The following ADGRG7 variants were observed in gnomAD, a reference collection of about 807,000 sequenced individuals.
ADGRG7 encodes G-protein coupled receptor 128.
Under a neutral mutation model 88.6 loss-of-function variants are expected in ADGRG7, and 82 were observed. That is an observed-to-expected ratio of 0.93 (90% CI 0.77 to 1.11). The LOEUF is 1.11. Ranked by LOEUF, ADGRG7 falls within the 50% of genes most tolerant of loss-of-function variation. ADGRG7 has a pLI of 0.00. For synonymous variants in ADGRG7, 381 were observed against 345.2 expected, an observed-to-expected ratio of 1.10 and a Z score of -1.15; for missense variants, 945 against 953.4, an observed-to-expected ratio of 0.99 and a Z score of 0.12.
chr3:100,675,587 T>A (rs2094964056), intron 15 of ADGRG7, among the ~76,000 whole-genome samples: 1 of 152,086 alleles, frequency 6.6e-6, no homozygotes, highest in Non-Finnish European at 1.5e-5. Context: ...ATGTGCCTTT[T>A]TCTGGTTTTG....
intron 3 of ADGRG7, among the ~76,000 whole-genome samples, chr3:100,632,186 G>A (rs1336748179): frequency 1.3e-5 from 2 of 152,080 alleles, no homozygotes; most frequent in African/African-American, 4.8e-5. Flanking sequence ...TACCCATGAA[G>A]AGTCATCACA....
chr3:100,653,399 A>G (rs2094932471), intron 11 of ADGRG7, among the ~76,000 whole-genome samples: 1 of 152,222 alleles, frequency 6.6e-6, no homozygotes, highest in African/African-American at 2.4e-5. Flanking sequence ...ACTTTTAAAT[A>G]TAAATTACAT....
intron 15 of ADGRG7, among the ~76,000 whole-genome samples, chr3:100,689,779 C>G (rs956293057): frequency 1.6e-4 from 24 of 152,238 alleles, no homozygotes; most frequent in African/African-American, 5.5e-4. Context: ...TATGGGTAAC[C>G]CAACCTTTGT....
chr3:100,636,686 G>A (rs1707548375), intron 5 of ADGRG7, among the ~76,000 whole-genome samples: 2 of 152,088 alleles, frequency 1.3e-5, no homozygotes, highest in South Asian at 4.1e-4. Flanking sequence ...AAAAGTAAGT[G>A]GGATTCAAGT....
At chr3:100,689,975 A>T (rs2094990288) in intron 15 of ADGRG7, among the ~76,000 whole-genome samples, 1 of 152,152 alleles carries the variant, frequency 6.6e-6, no homozygotes, top group African/African-American at 2.4e-5. Context: ...AGTGTTTTCC[A>T]ACTTGGTTCC....
At chr3:100,654,766 C>T in intron 11 of ADGRG7, 69 bp from the exon 12 acceptor site, 1 of 934,568 alleles carries the variant, frequency 1.1e-6, no homozygotes, top group Non-Finnish European at 1.6e-6. Flanking sequence ...CCAGAAATTT[C>T]ACTGCAGTTT....
chr3:100,670,023 G>A (rs902094869), intron 15 of ADGRG7, among the ~76,000 whole-genome samples: 5 of 152,216 alleles, frequency 3.3e-5, no homozygotes, highest in Non-Finnish European at 5.9e-5. Context: ...GGGCGACAGA[G>A]GGAGACTCCA....
At chr3:100,653,912 G>A (rs969874596) in intron 11 of ADGRG7, among the ~76,000 whole-genome samples, 7 of 152,128 alleles carry the variant, frequency 4.6e-5, no homozygotes, top group Non-Finnish European at 7.4e-5. Context: ...TAAAAGCTGG[G>A]TTCTTGTCAC....
rs774088978 is a variant in ADGRG7 at position 100,609,813 on chromosome 3, T to C, written c.-44T>C. 7.1e-7 allele frequency: 1 copy of C among 1,404,818 alleles called. No homozygotes were observed. Among genetic ancestry groups the C allele is most frequent in the Non-Finnish European group, 1.0e-6 (1 of 991,308 alleles). The allele number at this position is 1,404,818 out of a possible 1,614,324, so 87.0% of individuals were successfully genotyped here. A position where few individuals can be genotyped will look rare whatever the true frequency, so the allele number is the denominator to read the frequency against. ...TTTTTAGCTCAAGAAGAAAAGAAGC[T>C]AGTTATTTCTCACCCAGGAGTGGAT... On this transcript the variant is annotated 5_prime_UTR_variant, in exon 1 of 16. Transcript: ENST00000273352.
intron 15 of ADGRG7, among the ~76,000 whole-genome samples, chr3:100,689,360 G>A (rs1219398869): frequency 6.6e-6 from 1 of 152,152 alleles, no homozygotes; most frequent in Non-Finnish European, 1.5e-5. Flanking sequence ...TTTAATTGGA[G>A]CATTTAGCCC....
chr3:100,688,214 AGTGGT>A (rs1237255631), intron 15 of ADGRG7, among the ~76,000 whole-genome samples: 1 of 152,166 alleles, frequency 6.6e-6, no homozygotes, highest in Non-Finnish European at 1.5e-5. Context: ...CTGTGGGATC[AGTGGT>A]GATGTCCCCT....
intron 2 of ADGRG7, 87 bp downstream of exon 2, chr3:100,629,798 G>T: frequency 4.9e-6 from 4 of 824,508 alleles, no homozygotes; most frequent in South Asian, 1.6e-5. Context: ...AGAAGCTTCA[G>T]TTAATGGTTA....
chr3:100,619,893 C>G (rs922284734), intron 1 of ADGRG7, among the ~76,000 whole-genome samples: 1 of 152,126 alleles, frequency 6.6e-6, no homozygotes, highest in African/African-American at 2.4e-5. Context: ...CAATAACAGG[C>G]TCTGAAATTG....
At chr3:100,661,086 A>G (rs914988816) in intron 14 of ADGRG7, among the ~76,000 whole-genome samples, 3 of 152,060 alleles carry the variant, frequency 2.0e-5, no homozygotes, top group African/African-American at 7.2e-5. Flanking sequence ...TCTCCTTTCT[A>G]TAACCTTTCT....
chr3:100,644,045 T>C (rs1707694355), intron 8 of ADGRG7, among the ~76,000 whole-genome samples: 1 of 152,246 alleles, frequency 6.6e-6, no homozygotes, highest in African/African-American at 2.4e-5. Flanking sequence ...GAAGTCTATG[T>C]AATTGGCACA....
intron 15 of ADGRG7, 26 bp downstream of exon 15, chr3:100,669,131 A>G: frequency 6.8e-7 from 1 of 1,480,468 alleles, no homozygotes; most frequent in Non-Finnish European, 9.0e-7. Flanking sequence ...GTCTGAAAGT[A>G]GCAGAACACG....
chr3:100,652,994 T>C (rs930570144), intron 11 of ADGRG7, among the ~76,000 whole-genome samples: 6 of 152,218 alleles, frequency 3.9e-5, no homozygotes, highest in Admixed American at 2.0e-4. Flanking sequence ...TTCGGAATGA[T>C]TTACATTCAA....
At position 100,632,551 on chromosome 3, in the gene ADGRG7, C is replaced by T. The variant is rs575039993; in HGVS notation, c.335-714C>T. 1.8e-3 allele frequency among the ~76,000 whole-genome samples: 277 copies of T among 152,202 alleles called. 2 individuals are homozygous for T. The highest frequency in any genetic ancestry group is 6.2e-3 in the African/African-American group (257 of 41,538). On this transcript the variant is annotated intron_variant, in intron 3 of 15. Transcript: ENST00000273352. ...AGCCCATAAATATGTTAGAAATTTTCATTATGTCATGGTGTAGAGGTGAAG... is the reference window on the plus strand; with the variant it reads ...AGCCCATAAATATGTTAGAAATTTTTATTATGTCATGGTGTAGAGGTGAAG...
intron 1 of ADGRG7, among the ~76,000 whole-genome samples, chr3:100,611,237 G>A (rs1707144272): frequency 7.7e-6 from 1 of 130,132 alleles, no homozygotes. Context: ...AGTTTTGTTT[G>A]TTTGTTTTTC....
Sources: allele counts gnomAD v4.1 joint callset (sites outside exome capture counted in the v4.1 genomes callset), GRCh38; gene constraint gnomAD v4.1.1; transcripts MANE v1.5; gene names NCBI Gene and HGNC (gene_info 2026-07-23, HGNC 2026-07-21).